DOCK8: variants seen among roughly 807,000 people sequenced by gnomAD.
DOCK8 encodes the protein dedicator of cytokinesis protein 8.
Under a neutral mutation model 245.6 loss-of-function variants are expected in DOCK8, and 141 were observed. The observed-to-expected ratio is 0.57, with a 90% CI of 0.50 to 0.66. DOCK8 has a LOEUF of 0.66. DOCK8 is among the 30% of genes least tolerant of loss of function. DOCK8 has a pLI of 0.00. For synonymous variants in DOCK8, 1,168 were observed against 970.2 expected (o/e 1.20, Z -3.79); for missense variants, 2,965 against 2,603.4 (o/e 1.14, Z -3.02).
At chr9:272,914 C>A in intron 2 of DOCK8, 1 of 395,170 alleles carries the variant, frequency 2.5e-6, no homozygotes, top group Non-Finnish European at 3.4e-6. Flanking sequence ...CTTCCTCACA[C>A]AGCACAGCAG....
intron 1 of DOCK8, among the ~76,000 whole-genome samples, chr9:254,889 C>G (rs1184211046): frequency 6.6e-6 from 1 of 152,182 alleles, no homozygotes. Flanking sequence ...CAGATTCTAG[C>G]TGTGCTCAAA....
At chr9:451,953 G>A (rs540077293) in intron 45 of DOCK8, 58 bp from the exon 46 acceptor site, 10 of 276,272 alleles carry the variant, frequency 3.6e-5, no homozygotes, top group African/African-American at 3.2e-4. Flanking sequence ...ATGTGTGTGT[G>A]TGTATATATA....
At chr9:315,365 G>A (rs2130731678) in intron 6 of DOCK8, among the ~76,000 whole-genome samples, 1 of 152,246 alleles carries the variant, frequency 6.6e-6, no homozygotes, top group East Asian at 1.9e-4. Flanking sequence ...TATAAAGCCT[G>A]AGGAAATTCA....
intron 46 of DOCK8, among the ~76,000 whole-genome samples, chr9:455,410 G>A (rs796845190): frequency 1.6e-4 from 24 of 152,316 alleles, no homozygotes; most frequent in African/African-American, 5.8e-4. Flanking sequence ...TCGAGAGGCT[G>A]AGGTGCGAGG....
At chr9:251,390 A>G (rs1022786841) in intron 1 of DOCK8, among the ~76,000 whole-genome samples, 1 of 152,228 alleles carries the variant, frequency 6.6e-6, no homozygotes, top group Non-Finnish European at 1.5e-5. Context: ...CTACTTATCC[A>G]TGAAAGGATT....
intron 3 of DOCK8, among the ~76,000 whole-genome samples, chr9:288,818 G>A (rs58008997): frequency 0.11 from 16,331 of 152,182 alleles, 920 homozygotes; most frequent in East Asian, 0.19. Flanking sequence ...AATACTAACA[G>A]CATGTCTCTG....
intron 14 of DOCK8, among the ~76,000 whole-genome samples, chr9:341,400 C>G (rs1233085659): frequency 6.6e-6 from 1 of 152,176 alleles, no homozygotes; most frequent in Non-Finnish European, 1.5e-5. Flanking sequence ...GAGACTATTT[C>G]CTTTAATGCA....
At chr9:437,143 A>G (rs2056931801) in intron 39 of DOCK8, among the ~76,000 whole-genome samples, 3 of 152,254 alleles carry the variant, frequency 2.0e-5, no homozygotes, top group Admixed American at 1.3e-4. Context: ...CACCCAACCC[A>G]GACTGACAGA....
intron 1 of DOCK8, among the ~76,000 whole-genome samples, chr9:222,521 C>G (rs183055178): frequency 5.3e-5 from 8 of 152,262 alleles, no homozygotes; most frequent in Admixed American, 5.2e-4. Context: ...ATTCACACCC[C>G]CACCGAGTTT....
chr9:323,156 C>T (rs1385591770), intron 7 of DOCK8, among the ~76,000 whole-genome samples: 1 of 146,984 alleles, frequency 6.8e-6, no homozygotes, highest in Non-Finnish European at 1.5e-5. Context: ...AAAGAATAAT[C>T]ATAGAAATCC....
rs1195068134 is a variant in DOCK8 at position 399,269 on chromosome 9, C to A, written c.3234+10C>A. 2 of 1,336,822 alleles carry A rather than the reference C, an allele frequency of 1.5e-6. No individual in the cohort carries two copies. The highest frequency in any genetic ancestry group is 2.0e-6 in the Non-Finnish European group (2 of 992,062). 82.8% of individuals were successfully genotyped at this position (1,336,822 alleles called of 1,614,324 possible). The stretch of plus-strand genomic sequence containing the variant: ...ACATTATTGCAGCCAGGTGAGTGTC[C>A]CCCCCACCCCCACCCCCGAGCGAGC... On this transcript the variant is annotated intron_variant, in intron 26 of 47. Transcript: ENST00000432829.
chr9:274,748 T>A (rs2130009546), intron 2 of DOCK8, among the ~76,000 whole-genome samples: 1 of 152,330 alleles, frequency 6.6e-6, no homozygotes, highest in Non-Finnish European at 1.5e-5. Flanking sequence ...GTTTATCATC[T>A]AAAGACTCTC....
chr9:400,977 T>TCCACCACCAC (rs2055037471), intron 26 of DOCK8, among the ~76,000 whole-genome samples: 1 of 65,816 alleles, frequency 1.5e-5, no homozygotes, highest in Non-Finnish European at 2.7e-5. Flanking sequence ...TCCTCCACCA[T>TCCACCACCAC]CACCACCTCC....
chr9:415,084 A>G (rs1213277517), intron 29 of DOCK8, 133 bp downstream of exon 29: 1 of 1,264,572 alleles, frequency 7.9e-7, no homozygotes, highest in Non-Finnish European at 1.1e-6. Flanking sequence ...ATGGTCTCCA[A>G]ACCTCTTTAA....
At chr9:403,990 A>ATG (rs1181261537) in intron 26 of DOCK8, among the ~76,000 whole-genome samples, 6 of 81,690 alleles carry the variant, frequency 7.3e-5, no homozygotes, top group Middle Eastern at 5.4e-3. Flanking sequence ...ATATATATAT[A>ATG]TGTGTATATA....
At position 420,677 on chromosome 9, in the gene DOCK8, A is replaced by C. The variant is rs528257972; in HGVS notation, c.4023+94A>C. ...TCCCCTTTGTTTGGGCCATGGAGGCATCATTAATTTTTCTCATTTCTGTAT... is the reference window on the plus strand; with the variant it reads ...TCCCCTTTGTTTGGGCCATGGAGGCCTCATTAATTTTTCTCATTTCTGTAT... On this transcript the variant is annotated intron_variant, in intron 31 of 47. Transcript: ENST00000432829. The C allele has an allele frequency of 5.3e-6, 8 of 1,499,708 alleles. No individual in the cohort carries two copies. In the South Asian group the frequency reaches 8.0e-5, roughly 15 times the overall value. 92.9% of individuals were successfully genotyped at this position (1,499,708 alleles called of 1,614,324 possible).
At chr9:436,782 A>G (rs1042976929) in intron 39 of DOCK8, among the ~76,000 whole-genome samples, 1 of 152,224 alleles carries the variant, frequency 6.6e-6, no homozygotes, top group Non-Finnish European at 1.5e-5. Context: ...TATTTATTGA[A>G]TACTTATTCT....
upstream of DOCK8, chr9:213,497 T>C (rs962862037): frequency 3.9e-5 from 6 of 152,286 alleles, no homozygotes; most frequent in East Asian, 1.2e-3. Flanking sequence ...TTAACTTTAA[T>C]AATATATTTT....
intron 2 of DOCK8, among the ~76,000 whole-genome samples, chr9:283,145 C>G (rs527520947): frequency 2.0e-5 from 3 of 152,314 alleles, no homozygotes; most frequent in Admixed American, 6.5e-5. Flanking sequence ...GAATGTGAGT[C>G]TGCCTTGGTT....
Sources: gnomAD v4.1 joint callset for allele counts (sites outside exome capture counted in the v4.1 genomes callset) on GRCh38, gnomAD v4.1.1 for gene constraint, MANE v1.5 for transcripts, NCBI Gene and HGNC (gene_info 2026-07-23, HGNC 2026-07-21) for gene names.